LRP1B: variants seen among roughly 807,000 people sequenced by gnomAD.
LRP1B encodes the protein LDL receptor related protein 1B.
A neutral mutation model predicts 556.6 loss-of-function variants in LRP1B; 217 were observed. The ratio of observed to expected loss-of-function variants is 0.39; its 90% confidence interval spans 0.35 to 0.44. The LOEUF is 0.44. LRP1B is among the 20% of genes least tolerant of loss of function. The pLI is 1.00. For synonymous variants in LRP1B, 2,047 were observed against 1,865.8 expected, an observed-to-expected ratio of 1.10 and a Z score of -2.50; for missense variants, 5,053 against 5,620.8, an observed-to-expected ratio of 0.90 and a Z score of 3.23.
intron 35 of LRP1B, among the ~76,000 whole-genome samples, chr2:140,728,130 G>A (rs1399626015): frequency 6.9e-6 from 1 of 144,846 alleles, no homozygotes; most frequent in Non-Finnish European, 1.5e-5. Flanking sequence ...GTCCTGAATG[G>A]AATTTGCATT....
intron 25 of LRP1B, among the ~76,000 whole-genome samples, chr2:140,877,836 T>C (rs562903795): frequency 3.3e-5 from 5 of 152,190 alleles, no homozygotes; most frequent in Non-Finnish European, 7.3e-5. Flanking sequence ...CGACCACCTT[T>C]GGCACATGTC....
intron 7 of LRP1B, among the ~76,000 whole-genome samples, chr2:141,112,873 T>C (rs530959978): frequency 2.0e-5 from 3 of 152,324 alleles, no homozygotes; most frequent in East Asian, 1.9e-4. Context: ...CTGCATTTTT[T>C]TAAACCTATC....
At chr2:140,722,519 C>T (rs1347642532) in intron 35 of LRP1B, among the ~76,000 whole-genome samples, 2 of 152,096 alleles carry the variant, frequency 1.3e-5, no homozygotes, top group Non-Finnish European at 2.9e-5. Flanking sequence ...ACCATTAATA[C>T]CTCTTAGTAC....
At chr2:141,795,887 TA>T (rs1695793015) in intron 2 of LRP1B, among the ~76,000 whole-genome samples, 2 of 75,990 alleles carry the variant, frequency 2.6e-5, no homozygotes, top group African/African-American at 9.4e-5. Context: ...TATATATATA[TA>T]TATATATATA....
intron 7 of LRP1B, among the ~76,000 whole-genome samples, chr2:141,183,536 A>C (rs779906675): frequency 6.6e-6 from 1 of 152,080 alleles, no homozygotes; most frequent in Non-Finnish European, 1.5e-5. Flanking sequence ...GTCTCCTGGC[A>C]GATGGCCTGC....
At chr2:141,849,246 T>C (rs1697759209) in intron 1 of LRP1B, among the ~76,000 whole-genome samples, 1 of 151,698 alleles carries the variant, frequency 6.6e-6, no homozygotes, top group Non-Finnish European at 1.5e-5. Context: ...GTTTTCTTGG[T>C]GTATAATCAC....
chr2:140,648,505 T>C (rs997997427), intron 41 of LRP1B, among the ~76,000 whole-genome samples: 1 of 151,982 alleles, frequency 6.6e-6, no homozygotes, highest in Non-Finnish European at 1.5e-5. Flanking sequence ...TGTGAAATAC[T>C]GTGGAGAATG....
chr2:141,988,515 G>A (rs114312999), intron 1 of LRP1B, among the ~76,000 whole-genome samples: 2,252 of 152,060 alleles, frequency 0.015, 52 homozygotes, highest in African/African-American at 0.051. Flanking sequence ...TGTAGAAATG[G>A]TCAAAGTAGT....
intron 83 of LRP1B, among the ~76,000 whole-genome samples, chr2:140,309,188 A>G (rs1684190863): frequency 6.6e-6 from 1 of 151,854 alleles, no homozygotes; most frequent in African/African-American, 2.4e-5. Flanking sequence ...AGGTTTTCTT[A>G]AGCATAAAAA....
chr2:140,724,687 G>A (rs1687526588), intron 35 of LRP1B, among the ~76,000 whole-genome samples: 1 of 151,986 alleles, frequency 6.6e-6, no homozygotes, highest in Non-Finnish European at 1.5e-5. Flanking sequence ...GAATTTTGTT[G>A]TTGTTGGATC....
chr2:141,945,579 T>C (rs988358886), intron 1 of LRP1B, among the ~76,000 whole-genome samples: 1 of 151,870 alleles, frequency 6.6e-6, no homozygotes, highest in Non-Finnish European at 1.5e-5. Flanking sequence ...TCTAAATTAT[T>C]GAAATTTATT....
intron 7 of LRP1B, among the ~76,000 whole-genome samples, chr2:141,125,947 C>T (rs1324060532): frequency 6.7e-6 from 1 of 149,852 alleles, no homozygotes; most frequent in African/African-American, 2.4e-5. Flanking sequence ...ACATGCTTTT[C>T]AGCTCTTCTG....
intron 3 of LRP1B, among the ~76,000 whole-genome samples, chr2:141,306,677 G>C (rs963152280): frequency 2.0e-5 from 3 of 151,792 alleles, no homozygotes; most frequent in Non-Finnish European, 2.9e-5. Context: ...GCTTGCTCTT[G>C]CTTTTCTTTT....
At chr2:141,586,309 A>T (rs1287290265) in intron 2 of LRP1B, among the ~76,000 whole-genome samples, 3 of 152,186 alleles carry the variant, frequency 2.0e-5, no homozygotes, top group Non-Finnish European at 4.4e-5. Flanking sequence ...TCTTAGCATC[A>T]ACTCTAGTCT....
chr2:141,270,573 G>A (rs992933341), intron 3 of LRP1B, among the ~76,000 whole-genome samples: 1 of 151,950 alleles, frequency 6.6e-6, no homozygotes, highest in Non-Finnish European at 1.5e-5. Context: ...ACATAATATA[G>A]CATTTGCATA....
intron 9 of LRP1B, among the ~76,000 whole-genome samples, chr2:141,055,638 G>C (rs1699159413): frequency 6.6e-6 from 1 of 151,906 alleles, no homozygotes; most frequent in Non-Finnish European, 1.5e-5. Context: ...CCCAGGTTAG[G>C]TAGTTAAGCA....
At chr2:141,137,948 T>A (rs984169146) in intron 7 of LRP1B, among the ~76,000 whole-genome samples, 1 of 151,768 alleles carries the variant, frequency 6.6e-6, no homozygotes, top group Non-Finnish European at 1.5e-5. Flanking sequence ...TCCGAGGTCA[T>A]CACTACCACG....
intron 35 of LRP1B, among the ~76,000 whole-genome samples, chr2:140,729,917 C>T (rs1687719436): frequency 6.6e-6 from 1 of 152,156 alleles, no homozygotes; most frequent in Admixed American, 6.5e-5. Flanking sequence ...CAACATGTCA[C>T]TAAATGAACC....
At chr2:140,986,795 G>A (rs568117236) in intron 17 of LRP1B, among the ~76,000 whole-genome samples, 23 of 152,226 alleles carry the variant, frequency 1.5e-4, no homozygotes, top group Admixed American at 1.1e-3. Context: ...TCTATCACCA[G>A]TGCTTTGGTA....
Sources: allele counts gnomAD v4.1 joint callset (sites outside exome capture counted in the v4.1 genomes callset), GRCh38; gene constraint gnomAD v4.1.1; transcripts MANE v1.5; gene names NCBI Gene and HGNC (gene_info 2026-07-23, HGNC 2026-07-21).